Variants in UNC5C observed in about 807,000 individuals in gnomAD.
UNC5C encodes unc-5 netrin receptor C, also known as netrin receptor UNC5C.
UNC5C carries 47 observed loss-of-function variants against 99.8 expected under a neutral mutation model. The ratio of observed to expected loss-of-function variants is 0.47; its 90% confidence interval spans 0.37 to 0.60. The LOEUF (loss-of-function observed/expected upper bound fraction) is 0.60. Among genes scored for constraint, UNC5C ranks in the 20% least tolerant of loss-of-function variants. The pLI is 0.00. For synonymous variants in UNC5C, 487 were observed against 452.2 expected (o/e 1.08, Z -0.98); for missense variants, 1,062 against 1,165.9 (o/e 0.91, Z 1.30).
chr4:95,358,659 T>G (rs61076479), intron 1 of UNC5C, among the ~76,000 whole-genome samples: 24,313 of 152,170 alleles, frequency 0.16, 2,117 homozygotes, highest in Middle Eastern at 0.27. Flanking sequence ...GCTTCTGGCC[T>G]TTTCTCCCTC....
In UNC5C at chr4:95,206,743, G is replaced by C. The variant is rs779656103; in HGVS notation, c.1787C>G (p.Pro596Arg). ...TLLTPVVSCG[P>R]PGALLTRPVV... The stretch of plus-strand genomic sequence containing the variant: ...TGGGCGGGTGAGCAGAGCTCCTGGG[G>C]GCCCACAGCTCACCACAGGGGTCAA... Residue 596 changes from proline (P) to arginine (R), a missense_variant, in exon 11 of 16, where the codon CCC becomes CGC. Physicochemically the swap from Pro to Arg is moderately radical, Grantham distance 103. This residue lies in a region of UNC5C where 810 missense variants were observed against 854.5 expected (regional missense o/e 0.95). Transcript: ENST00000453304. The C allele has an allele frequency of 6.2e-7, 1 of 1,613,694 alleles. No individual in the cohort carries two copies.
At chr4:95,265,548 T>G (rs1456054448) in intron 4 of UNC5C, among the ~76,000 whole-genome samples, 1 of 152,192 alleles carries the variant, frequency 6.6e-6, no homozygotes, top group Admixed American at 6.5e-5. Flanking sequence ...CTTTCTCTAC[T>G]TTTAGAAAAT....
intron 1 of UNC5C, among the ~76,000 whole-genome samples, chr4:95,418,967 T>A (rs1326525677): frequency 6.6e-6 from 1 of 152,166 alleles, no homozygotes; most frequent in Non-Finnish European, 1.5e-5. Flanking sequence ...ATATCTGCCT[T>A]TAGTCTGATT....
At chr4:95,440,728 C>A (rs1019622484) in intron 1 of UNC5C, among the ~76,000 whole-genome samples, 2 of 152,038 alleles carry the variant, frequency 1.3e-5, no homozygotes, top group African/African-American at 4.8e-5. Flanking sequence ...TCCTGGAGTG[C>A]TTGAATAACA....
intron 2 of UNC5C, among the ~76,000 whole-genome samples, chr4:95,332,252 C>T (rs1334963016): frequency 2.2e-4 from 34 of 151,562 alleles, no homozygotes; most frequent in South Asian, 4.2e-4. Context: ...AAAAAGAGCC[C>T]GCATCGCCAA....
chr4:95,381,811 G>A (rs2149442120), intron 1 of UNC5C, among the ~76,000 whole-genome samples: 1 of 152,210 alleles, frequency 6.6e-6, no homozygotes, highest in East Asian at 1.9e-4. Context: ...GATCTTTGTG[G>A]TTATTGGGAT....
At chr4:95,522,836 G>A (rs1403348506) in intron 1 of UNC5C, among the ~76,000 whole-genome samples, 2 of 152,126 alleles carry the variant, frequency 1.3e-5, no homozygotes, top group Non-Finnish European at 2.9e-5. Flanking sequence ...TATGTCACAT[G>A]TTCTCGTAAT....
chr4:95,342,969 C>T (rs1743635875), intron 1 of UNC5C, among the ~76,000 whole-genome samples: 1 of 151,906 alleles, frequency 6.6e-6, no homozygotes, highest in Non-Finnish European at 1.5e-5. Flanking sequence ...GAAACTTTGT[C>T]TTGTGGCATG....
intron 1 of UNC5C, among the ~76,000 whole-genome samples, chr4:95,466,370 A>T (rs544441474): frequency 6.6e-6 from 1 of 152,278 alleles, no homozygotes; most frequent in South Asian, 2.1e-4. Context: ...GATAATCAAC[A>T]TATATGAAAC....
intron 1 of UNC5C, among the ~76,000 whole-genome samples, chr4:95,397,827 CAA>C (rs982208364): frequency 2.6e-5 from 4 of 152,080 alleles, no homozygotes; most frequent in Non-Finnish European, 4.4e-5. Context: ...CTGTGCAAAG[CAA>C]AGAGTAGAAA....
chr4:95,252,890 C>T (rs998645179), intron 4 of UNC5C, among the ~76,000 whole-genome samples: 1 of 152,232 alleles, frequency 6.6e-6, no homozygotes, highest in Non-Finnish European at 1.5e-5. Context: ...TCAGTGTGCA[C>T]AAACTTTGTT....
At chr4:95,396,530 C>T (rs1021519162) in intron 1 of UNC5C, among the ~76,000 whole-genome samples, 10 of 152,058 alleles carry the variant, frequency 6.6e-5, no homozygotes, top group East Asian at 3.9e-4. Flanking sequence ...GGCTTGAACC[C>T]GACCTTCAAG....
chr4:95,541,000 A>G (rs1722903706), intron 1 of UNC5C, among the ~76,000 whole-genome samples: 1 of 152,188 alleles, frequency 6.6e-6, no homozygotes, highest in South Asian at 2.1e-4. Context: ...TTTTAAGGCC[A>G]TATGAAATTC....
chr4:95,294,831 A>T (rs1741615213), intron 3 of UNC5C, among the ~76,000 whole-genome samples: 1 of 152,182 alleles, frequency 6.6e-6, no homozygotes, highest in Non-Finnish European at 1.5e-5. Flanking sequence ...GAGCATTTGC[A>T]CTGTGTCTGG....
At chr4:95,275,770 T>C (rs879919347) in intron 4 of UNC5C, among the ~76,000 whole-genome samples, 4 of 152,210 alleles carry the variant, frequency 2.6e-5, no homozygotes, top group Admixed American at 2.0e-4. Context: ...ACTTCCTCAA[T>C]AGAACTAGCC....
At chr4:95,229,445 A>G (rs1363290972) in intron 7 of UNC5C, among the ~76,000 whole-genome samples, 1 of 152,168 alleles carries the variant, frequency 6.6e-6, no homozygotes, top group African/African-American at 2.4e-5. Flanking sequence ...TCCCTGCAAT[A>G]AAACATGAAC....
intron 4 of UNC5C, among the ~76,000 whole-genome samples, chr4:95,252,906 C>A (rs1021401510): frequency 3.3e-5 from 5 of 152,162 alleles, no homozygotes; most frequent in Non-Finnish European, 7.4e-5. Flanking sequence ...TTGTTTCAGG[C>A]ACAAAATTGT....
intron 1 of UNC5C, among the ~76,000 whole-genome samples, chr4:95,415,780 G>A (rs527791779): frequency 1.3e-5 from 2 of 152,226 alleles, no homozygotes; most frequent in African/African-American, 4.8e-5. Flanking sequence ...AATAACTAGA[G>A]TAGGTTTATT....
At chr4:95,238,749 C>T (rs1365886961) in intron 7 of UNC5C, among the ~76,000 whole-genome samples, 1 of 151,878 alleles carries the variant, frequency 6.6e-6, no homozygotes, top group Non-Finnish European at 1.5e-5. Flanking sequence ...ACAAAACTTC[C>T]CTGTATTGTG....
Sources: allele counts gnomAD v4.1 joint callset (sites outside exome capture counted in the v4.1 genomes callset), GRCh38; gene constraint gnomAD v4.1.1; regional missense constraint gnomAD v4.1.1; transcripts MANE v1.5; gene names NCBI Gene and HGNC (gene_info 2026-07-23, HGNC 2026-07-21).